The following PRDM16 variants were observed in gnomAD, a reference collection of about 807,000 sequenced individuals.
PRDM16 encodes the protein histone-lysine N-methyltransferase PRDM16.
Under a neutral mutation model 110.6 loss-of-function variants are expected in PRDM16, and 23 were observed. The observed-to-expected ratio is 0.21, with a 90% confidence interval of 0.15 to 0.29. The LOEUF (loss-of-function observed/expected upper bound fraction) is 0.29. PRDM16 is among the 10% of genes least tolerant of loss of function. The pLI, the probability that PRDM16 is intolerant of heterozygous loss-of-function variation, is 1.00. For missense variants in PRDM16, 1,615 were observed against 1,794.3 expected (o/e 0.90, Z 1.81); for synonymous variants, 799 against 781.8 (o/e 1.02, Z -0.37).
intron 5 of PRDM16, among the ~76,000 whole-genome samples, chr1:3,400,835 A>G (rs1195808066): frequency 6.6e-6 from 1 of 151,802 alleles, no homozygotes; most frequent in African/African-American, 2.4e-5. Context: ...GTGCCTGCCC[A>G]CTCACCCCCA....
intron 16 of PRDM16, 62 bp downstream of exon 16, chr1:3,432,202 G>A (rs1638788009): frequency 4.7e-6 from 7 of 1,487,716 alleles, no homozygotes; most frequent in Non-Finnish European, 3.7e-6. Flanking sequence ...AGGACAGCCA[G>A]CACTCCTCTC....
At chr1:3,309,028 T>C (rs1641379223) in intron 3 of PRDM16, 1 of 152,218 alleles carries the variant, frequency 6.6e-6, no homozygotes, top group Non-Finnish European at 1.5e-5. Flanking sequence ...TGGCTCCTCC[T>C]TGGGAAAGGA....
At chr1:3,433,385 G>C (rs1569794877) in intron 16 of PRDM16, among the ~76,000 whole-genome samples, 1 of 152,248 alleles carries the variant, frequency 6.6e-6, no homozygotes, top group East Asian at 1.9e-4. Context: ...GGCCACGGGA[G>C]GCTGGGAACG....
intron 1 of PRDM16, among the ~76,000 whole-genome samples, chr1:3,127,812 TG>T (rs996649108): frequency 6.6e-6 from 1 of 152,084 alleles, no homozygotes; most frequent in Non-Finnish European, 1.5e-5. Flanking sequence ...CCCCATGGTG[TG>T]GGGGGACAGT....
intron 2 of PRDM16, among the ~76,000 whole-genome samples, chr1:3,235,354 T>C (rs1341463323): frequency 6.6e-6 from 1 of 152,202 alleles, no homozygotes; most frequent in Non-Finnish European, 1.5e-5. Flanking sequence ...AAGTGATGGC[T>C]CTTCATGAGC....
chr1:3,225,960 T>C (rs946769579), intron 2 of PRDM16, among the ~76,000 whole-genome samples: 10 of 152,262 alleles, frequency 6.6e-5, no homozygotes, highest in African/African-American at 2.4e-4. Flanking sequence ...CTGATTCTCC[T>C]GCATCCGTGC....
chr1:3,214,065 C>A (rs889675821), intron 2 of PRDM16, among the ~76,000 whole-genome samples: 1 of 152,184 alleles, frequency 6.6e-6, no homozygotes, highest in African/African-American at 2.4e-5. Flanking sequence ...CCCTTGTCTG[C>A]AGGATGCAGG....
chr1:3,385,283 G>A lies in PRDM16; in HGVS notation c.570G>A (p.Glu190=), dbSNP rs1260813287. 3 of 1,613,684 alleles carry A rather than the reference G, an allele frequency of 1.9e-6. No individual in the cohort carries two copies. Among genetic ancestry groups the A allele is most frequent in the East Asian group, 4.5e-5 (2 of 44,884 alleles). Residue 190 remains glutamate (E), a synonymous_variant, in exon 4 of 17, where the codon GAG becomes GAA. Coordinates refer to ENST00000270722, the MANE Select transcript of PRDM16 (RefSeq NM_022114.4). ...ACCTCACCATGTGTCAGATCAGTGA[G>A]CAGGTAGGTCCGGGCTCATAACAGG... ...DQNLTMCQIS[E]QIYYKVIKDI...
intron 3 of PRDM16, among the ~76,000 whole-genome samples, chr1:3,277,716 TGCACACACACACGCGCGCACACAC>T (rs1412701452): frequency 6.7e-6 from 1 of 148,626 alleles, no homozygotes; most frequent in African/African-American, 2.6e-5. Context: ...TTCACCCACA[TGCACACACACACGCGCGCACACAC>T]GCACACGCAC....
intron 2 of PRDM16, among the ~76,000 whole-genome samples, chr1:3,203,681 C>T (rs1351816290): frequency 1.3e-5 from 2 of 152,196 alleles, no homozygotes; most frequent in East Asian, 3.9e-4. Flanking sequence ...CTCCTTCCTG[C>T]GTGTGTGTCT....
At chr1:3,347,135 C>T (rs1642377879) in intron 3 of PRDM16, among the ~76,000 whole-genome samples, 1 of 152,166 alleles carries the variant, frequency 6.6e-6, no homozygotes, top group South Asian at 2.1e-4. Context: ...AGTGTACAGC[C>T]CCGGGAGTGT....
At chr1:3,335,731 C>T (rs923529955) in intron 3 of PRDM16, among the ~76,000 whole-genome samples, 3 of 152,132 alleles carry the variant, frequency 2.0e-5, no homozygotes, top group African/African-American at 7.2e-5. Flanking sequence ...TTTCTGGCAT[C>T]CTGGTGGAAG....
At chr1:3,348,776 G>A (rs888763243) in intron 3 of PRDM16, among the ~76,000 whole-genome samples, 8 of 152,316 alleles carry the variant, frequency 5.3e-5, no homozygotes, top group South Asian at 2.1e-4. Context: ...AGCCTGGGGT[G>A]GGGGCCCTGG....
intron 1 of PRDM16, among the ~76,000 whole-genome samples, chr1:3,180,920 TTACACACGCAGC>T (rs1644146197): frequency 6.7e-6 from 1 of 149,882 alleles, no homozygotes; most frequent in Non-Finnish European, 1.5e-5. Flanking sequence ...ACACGCAGCC[TTACACACGCAGC>T]CACACACGCA....
chr1:3,207,807 G>C (rs1019512291), intron 2 of PRDM16: 2 of 152,148 alleles, frequency 1.3e-5, no homozygotes, highest in Non-Finnish European at 2.9e-5. Context: ...CCAGAGTTTC[G>C]AGTGTGAAAT....
At chr1:3,378,057 C>T (rs1408883044) in intron 3 of PRDM16, among the ~76,000 whole-genome samples, 1 of 152,246 alleles carries the variant, frequency 6.6e-6, no homozygotes, top group Non-Finnish European at 1.5e-5. Flanking sequence ...GTTGGAAAGG[C>T]TGGGCTCGCG....
rs1641698224 is a variant in PRDM16, at chr1:3,069,640, G to A, written c.37+344G>A. Among the ~76,000 whole-genome samples, 1 of 151,408 alleles carries A rather than the reference G, an allele frequency of 6.6e-6. No homozygotes were observed. On this transcript the variant is annotated intron_variant, in intron 1 of 16. Transcript: ENST00000270722. This position sits in a 1 kb window ranked among gnomAD's most constrained non-coding sequence, Gnocchi z 6.1. ...GGAGGGGGAGGGCCGGGGGTGGAGGGGAGCGAAAAGTGAAAGTTAGCGAAA... is the reference window on the plus strand; with the variant it reads ...GGAGGGGGAGGGCCGGGGGTGGAGGAGAGCGAAAAGTGAAAGTTAGCGAAA...
At chr1:3,195,427 G>A (rs1040852221) in intron 2 of PRDM16, among the ~76,000 whole-genome samples, 1 of 152,148 alleles carries the variant, frequency 6.6e-6, no homozygotes, top group Non-Finnish European at 1.5e-5. Flanking sequence ...TCCTTAAGGG[G>A]TAATAACTCC....
chr1:3,268,963 A>G (rs1157751039), intron 3 of PRDM16, among the ~76,000 whole-genome samples: 2 of 152,248 alleles, frequency 1.3e-5, no homozygotes, highest in South Asian at 2.1e-4. Flanking sequence ...GGTCCTTCCA[A>G]AGGTTCCCAC....
Sources: gnomAD v4.1 joint callset for allele counts (sites outside exome capture counted in the v4.1 genomes callset) on GRCh38, gnomAD v4.1.1 for gene constraint, Gnocchi (gnomAD v3.1) non-coding constraint, MANE v1.5 for transcripts, NCBI Gene and HGNC (gene_info 2026-07-23, HGNC 2026-07-21) for gene names.